Variants in ZDHHC20 observed in about 807,000 individuals in gnomAD.
ZDHHC20 encodes palmitoyltransferase ZDHHC20.
Under a neutral mutation model 57.8 loss-of-function variants are expected in ZDHHC20, and 43 were observed. The observed-to-expected ratio is 0.74, with a 90% confidence interval of 0.58 to 0.96. The LOEUF (loss-of-function observed/expected upper bound fraction) is 0.96, where lower values mean the gene tolerates loss of function less well. ZDHHC20 is among the 40% of genes least tolerant of loss of function. The pLI, the probability that ZDHHC20 is intolerant of heterozygous loss-of-function variation, is 0.00. For missense variants in ZDHHC20, 391 were observed against 441.1 expected (o/e 0.89, Z 1.02); for synonymous variants, 157 against 153.0 (o/e 1.03, Z -0.19).
Position 21,402,942 on chromosome 13 carries a change from T to TA in ZDHHC20, c.371-77dup, listed in dbSNP as rs201261363. 1.7e-3 allele frequency: 1,880 copies of TA among 1,115,294 alleles called. 13 individuals are homozygous for TA. In the African/African-American group the frequency reaches 0.021, roughly 12 times the overall value. 69.1% of individuals were successfully genotyped at this position (1,115,294 alleles called of 1,614,324 possible). ...AATTTGACATTAAAACTTGATTTTC[T>TA]AAAAAAAATAACTCTGGGTAATTGA... On this transcript the variant is annotated intron_variant, in intron 4 of 12. Coordinates refer to ENST00000400590, the MANE Select transcript of ZDHHC20 (RefSeq NM_001330059.2).
rs573363232 is a variant in ZDHHC20, at chr13:21,413,125, C to T, written c.370+527G>A. Among the ~76,000 whole-genome samples the T allele has an allele frequency of 2.0e-5, 3 of 152,186 alleles. No homozygotes were observed. The South Asian group carries it at 6.2e-4, about 32-fold the overall frequency. On this transcript the variant is annotated intron_variant, in intron 4 of 12. Coordinates refer to ENST00000400590, the MANE Select transcript of ZDHHC20 (RefSeq NM_001330059.2). ...ACCTAGGAACAGGAAGCTGCTGTTACAGTCATGGATCTCAGTGGAAGCATT... is the reference window on the plus strand; with the variant it reads ...ACCTAGGAACAGGAAGCTGCTGTTATAGTCATGGATCTCAGTGGAAGCATT...
At chr13:21,412,015 G>A (rs996407182) in intron 4 of ZDHHC20, among the ~76,000 whole-genome samples, 1 of 152,218 alleles carries the variant, frequency 6.6e-6, no homozygotes, top group African/African-American at 2.4e-5. Flanking sequence ...AGCTACAAAC[G>A]CTGGATTGAA....
chr13:21,402,803 C>T lies in ZDHHC20; in HGVS notation c.434G>A (p.Cys145Tyr). ...KPDRAHHCSA[C>Y]DSCILKMDHH... The stretch of plus-strand genomic sequence containing the variant: ...ATGTGTGAGTAACACTTACGAGTCA[C>T]AGGCTGAGCAGTGATGCGCCCGATC... Residue 145 changes from cysteine (C) to tyrosine (Y), a missense_variant, in exon 5 of 13, where the codon TGT (cysteine) becomes TAT (tyrosine). By Grantham distance (194) the Cys-to-Tyr change is radical. Coordinates refer to ENST00000400590, the MANE Select transcript of ZDHHC20 (RefSeq NM_001330059.2). The T allele has an allele frequency of 6.3e-7, 1 of 1,596,960 alleles. No individual in the cohort carries two copies. The highest frequency in any genetic ancestry group is 1.1e-5 in the South Asian group (1 of 87,628).
Position 21,402,815 on chromosome 13 carries a change from T to C in ZDHHC20, c.422A>G (p.His141Arg). 1 of 1,598,638 alleles carries C rather than the reference T, an allele frequency of 6.3e-7. No homozygotes were observed. The highest frequency in any genetic ancestry group is 8.5e-7 in the Non-Finnish European group (1 of 1,172,246). ...CACTTACGAGTCACAGGCTGAGCAGTGATGCGCCCGATCAGGTTTAATCAG... is the reference window on the plus strand; with the variant it reads ...CACTTACGAGTCACAGGCTGAGCAGCGATGCGCCCGATCAGGTTTAATCAG... ...CQLIKPDRAH[H>R]CSACDSCILK... The change falls in exon 5 of 13, where the codon CAC (histidine) becomes CGC (arginine). Residue 141 changes from histidine (H) to arginine (R), a missense_variant. His to Arg is a conservative substitution (Grantham distance 29). Around this residue, in one of 3 missense-constraint regions of ZDHHC20, gnomAD observed 185 missense variants for 188.0 expected, o/e 0.98. Transcript: ENST00000400590.
intron 2 of ZDHHC20, 108 bp from the exon 3 acceptor site, chr13:21,421,272 T>A: frequency 1.3e-6 from 1 of 758,212 alleles, no homozygotes; most frequent in Non-Finnish European, 2.2e-6. Context: ...AATAAACAAT[T>A]AAATTAAAAT....
chr13:21,395,845 C>T (rs1276258442), intron 7 of ZDHHC20, among the ~76,000 whole-genome samples: 2 of 152,056 alleles, frequency 1.3e-5, no homozygotes, highest in African/African-American at 4.8e-5. Flanking sequence ...GCATCTGGGG[C>T]CTCACTAACT....
At chr13:21,433,664 G>GTT (rs1234155317) in intron 1 of ZDHHC20, among the ~76,000 whole-genome samples, 7 of 152,118 alleles carry the variant, frequency 4.6e-5, no homozygotes, top group Non-Finnish European at 1.0e-4. Flanking sequence ...GCCTGGTTTT[G>GTT]TTTTTTGTTT....
At chr13:21,397,230 G>C (rs1244948726) in intron 7 of ZDHHC20, among the ~76,000 whole-genome samples, 1 of 151,886 alleles carries the variant, frequency 6.6e-6, no homozygotes, top group African/African-American at 2.4e-5. Flanking sequence ...CCCCGTCTCT[G>C]CTAGAGAATC....
intron 11 of ZDHHC20, among the ~76,000 whole-genome samples, chr13:21,381,064 T>G (rs1395900428): frequency 6.6e-6 from 1 of 151,938 alleles, no homozygotes; most frequent in Admixed American, 6.6e-5. Context: ...TGGAGTGCAG[T>G]GGCGCGATCT....
At chr13:21,389,291 G>C (rs892858592) in intron 8 of ZDHHC20, among the ~76,000 whole-genome samples, 1 of 152,230 alleles carries the variant, frequency 6.6e-6, no homozygotes, top group Admixed American at 6.5e-5. Flanking sequence ...TAAAGACCAG[G>C]GCTGTGGGAG....
At chr13:21,442,627 C>T (rs189788520) in intron 1 of ZDHHC20, among the ~76,000 whole-genome samples, 6 of 152,004 alleles carry the variant, frequency 3.9e-5, no homozygotes, top group East Asian at 1.9e-4. Context: ...TGGTGGCATG[C>T]GCTTATAATC....
Position 21,376,603 on chromosome 13 carries a change from C to G in ZDHHC20, c.*93G>C. 1.5e-6 allele frequency: 2 copies of G among 1,356,180 alleles called. No homozygotes were observed. The highest frequency in any genetic ancestry group is 2.0e-6 in the Non-Finnish European group (2 of 1,007,574). The allele number at this position is 1,356,180 out of a possible 1,614,324, so 84.0% of individuals were successfully genotyped here. On this transcript the variant is annotated 3_prime_UTR_variant, in exon 13 of 13. Transcript: ENST00000400590. Reference sequence around the variant, plus strand: ...ACTTCAGTTATTTCATTCCACTGATCATTTTCTTGCAAATGAAAATTGAAA... The same window carrying G: ...ACTTCAGTTATTTCATTCCACTGATGATTTTCTTGCAAATGAAAATTGAAA...
chr13:21,440,151 A>T (rs1882994144), intron 1 of ZDHHC20, among the ~76,000 whole-genome samples: 1 of 151,460 alleles, frequency 6.6e-6, no homozygotes, highest in Non-Finnish European at 1.5e-5. Context: ...AAGGGGCATT[A>T]GCTCTACAAC....
At chr13:21,380,586 G>A (rs1442714392) in intron 11 of ZDHHC20, among the ~76,000 whole-genome samples, 1 of 151,742 alleles carries the variant, frequency 6.6e-6, no homozygotes, top group Non-Finnish European at 1.5e-5. Context: ...AAGGTCAGGA[G>A]ATCGAGACCA....
At chr13:21,417,353 C>T (rs543940552) in intron 3 of ZDHHC20, among the ~76,000 whole-genome samples, 4 of 152,112 alleles carry the variant, frequency 2.6e-5, no homozygotes, top group African/African-American at 9.6e-5. Flanking sequence ...TCAAGAAGTA[C>T]TGGATTGAAA....
intron 11 of ZDHHC20, among the ~76,000 whole-genome samples, chr13:21,380,120 T>C (rs1192031502): frequency 7.2e-6 from 1 of 139,756 alleles, no homozygotes; most frequent in African/African-American, 2.7e-5. Flanking sequence ...CAGCCTTTTT[T>C]TCCTTTCTTC....
rs117902964 is a variant in ZDHHC20, at chr13:21,402,873, G to A, written c.371-7C>T. The stretch of plus-strand genomic sequence containing the variant: ...TTTTCACAATATCTGATAGCTACAT[G>A]AAAGAAGTAAAAGGAAGATGCTGAA... On this transcript the variant is annotated splice_polypyrimidine_tract_variant and splice_region_variant and intron_variant, in intron 4 of 12. Transcript: ENST00000400590. 1 of 1,581,984 alleles carries A rather than the reference G, an allele frequency of 6.3e-7. No individual in the cohort carries two copies. The highest frequency in any genetic ancestry group is 8.6e-7 in the Non-Finnish European group (1 of 1,162,462).
intron 1 of ZDHHC20, among the ~76,000 whole-genome samples, chr13:21,456,070 T>C (rs1477489733): frequency 6.6e-6 from 1 of 152,230 alleles, no homozygotes; most frequent in Non-Finnish European, 1.5e-5. Context: ...GATATAATTA[T>C]GATCTTCTCC....
At chr13:21,410,211 G>A (rs774752854) in intron 4 of ZDHHC20, among the ~76,000 whole-genome samples, 39 of 152,130 alleles carry the variant, frequency 2.6e-4, no homozygotes, top group Non-Finnish European at 8.8e-5. Context: ...TATCACCAGC[G>A]GAGGCTGCAG....
Sources: gnomAD v4.1 joint callset for allele counts (sites outside exome capture counted in the v4.1 genomes callset) on GRCh38, gnomAD v4.1.1 for gene constraint, gnomAD v4.1.1 regional missense constraint, MANE v1.5 for transcripts, NCBI Gene and HGNC (gene_info 2026-07-23, HGNC 2026-07-21) for gene names.